Variants in SH3GL2 observed in about 807,000 individuals in gnomAD.
The protein encoded by SH3GL2 is SH3 domain containing GRB2 like 2, endophilin A1, also known as endophilin-A1.
A neutral mutation model predicts 46.0 loss-of-function variants in SH3GL2; 24 were observed. The ratio of observed to expected loss-of-function variants is 0.52; its 90% CI spans 0.38 to 0.73. The LOEUF (loss-of-function observed/expected upper bound fraction) is 0.73, where lower values mean the gene tolerates loss of function less well. Among genes scored for constraint, SH3GL2 ranks in the 30% least tolerant of loss-of-function variants. The pLI is 0.00. For missense variants in SH3GL2, 413 were observed against 424.2 expected (o/e 0.97, Z 0.23); for synonymous variants, 196 against 147.1 (o/e 1.33, Z -2.40).
intron 1 of SH3GL2, among the ~76,000 whole-genome samples, chr9:17,638,113 C>T (rs1056014395): frequency 4.0e-5 from 6 of 151,536 alleles, no homozygotes; most frequent in Admixed American, 3.3e-4. Flanking sequence ...GCCGAGATCG[C>T]GCCACTGCAC....
intron 1 of SH3GL2, among the ~76,000 whole-genome samples, chr9:17,607,380 T>A (rs1035506267): frequency 1.3e-5 from 2 of 152,210 alleles, no homozygotes; most frequent in African/African-American, 4.8e-5. Flanking sequence ...GTATAAACGA[T>A]TAAAAATAGT....
At chr9:17,783,133 T>C (rs1177245086) in intron 3 of SH3GL2, among the ~76,000 whole-genome samples, 1 of 152,124 alleles carries the variant, frequency 6.6e-6, no homozygotes, top group Non-Finnish European at 1.5e-5. Context: ...TTTTGCTGTT[T>C]ATCATTGAAC....
chr9:17,587,349 C>T (rs1269485191), intron 1 of SH3GL2, among the ~76,000 whole-genome samples: 1 of 152,156 alleles, frequency 6.6e-6, no homozygotes, highest in Non-Finnish European at 1.5e-5. Context: ...CCCCTGCCTG[C>T]CAGTAGAGGA....
chr9:17,638,089 G>A (rs1416616486), intron 1 of SH3GL2, among the ~76,000 whole-genome samples: 4 of 151,676 alleles, frequency 2.6e-5, no homozygotes, highest in African/African-American at 7.3e-5. Flanking sequence ...CCCGGGAGGC[G>A]GAGCTTGCAG....
At chr9:17,773,547 C>T (rs1214669460) in intron 3 of SH3GL2, among the ~76,000 whole-genome samples, 1 of 152,024 alleles carries the variant, frequency 6.6e-6, no homozygotes, top group Non-Finnish European at 1.5e-5. Flanking sequence ...TTTCCCAGCA[C>T]CATTGGTTGA....
intron 8 of SH3GL2, among the ~76,000 whole-genome samples, chr9:17,793,815 G>C (rs1824200026): frequency 6.6e-6 from 1 of 152,176 alleles, no homozygotes; most frequent in Non-Finnish European, 1.5e-5. Flanking sequence ...TTCCTTGTCA[G>C]TTTGGTCTGC....
chr9:17,710,939 A>G (rs981508539), intron 1 of SH3GL2, among the ~76,000 whole-genome samples: 9 of 151,994 alleles, frequency 5.9e-5, no homozygotes, highest in African/African-American at 2.2e-4. Flanking sequence ...TAACTAAAGT[A>G]GAACAATTAT....
intron 1 of SH3GL2, among the ~76,000 whole-genome samples, chr9:17,620,208 A>T (rs191730267): frequency 6.6e-6 from 1 of 152,280 alleles, no homozygotes; most frequent in African/African-American, 2.4e-5. Context: ...ATTAAGAGAT[A>T]CTCTGACCTG....
At chr9:17,748,429 G>C (rs1160351442) in intron 2 of SH3GL2, among the ~76,000 whole-genome samples, 2 of 152,092 alleles carry the variant, frequency 1.3e-5, no homozygotes, top group African/African-American at 4.8e-5. Context: ...GATTCTACCA[G>C]AAGTTTTTTA....
At chr9:17,712,259 G>A (rs1295491004) in intron 1 of SH3GL2, among the ~76,000 whole-genome samples, 1 of 151,442 alleles carries the variant, frequency 6.6e-6, no homozygotes, top group Non-Finnish European at 1.5e-5. Flanking sequence ...CACATCTATG[G>A]CTTGACTATT....
chr9:17,726,261 G>C (rs1822016875), intron 1 of SH3GL2, among the ~76,000 whole-genome samples: 1 of 152,086 alleles, frequency 6.6e-6, no homozygotes, highest in African/African-American at 2.4e-5. Context: ...GTGACATTTA[G>C]CTTATCTGAT....
At chr9:17,626,190 G>T (rs905594780) in intron 1 of SH3GL2, among the ~76,000 whole-genome samples, 1 of 152,322 alleles carries the variant, frequency 6.6e-6, no homozygotes, top group East Asian at 1.9e-4. Context: ...TCTGGGACGG[G>T]TCTGACCTCC....
At chr9:17,678,531 G>T (rs1820676785) in intron 1 of SH3GL2, among the ~76,000 whole-genome samples, 2 of 151,958 alleles carry the variant, frequency 1.3e-5, no homozygotes, top group South Asian at 4.2e-4. Context: ...GTGGATATTA[G>T]CCCTTTGTCA....
intron 1 of SH3GL2, among the ~76,000 whole-genome samples, chr9:17,690,742 TA>T (rs1380640090): frequency 6.6e-6 from 1 of 152,098 alleles, no homozygotes; most frequent in Non-Finnish European, 1.5e-5. Context: ...TGCCGGGTAC[TA>T]GGGGCACCTA....
intron 1 of SH3GL2, among the ~76,000 whole-genome samples, chr9:17,722,801 G>T (rs1047402911): frequency 6.6e-6 from 1 of 151,980 alleles, no homozygotes; most frequent in Non-Finnish European, 1.5e-5. Context: ...AGTAATTTAT[G>T]TCCATATCTG....
chr9:17,687,144 G>A (rs1028955925), intron 1 of SH3GL2, among the ~76,000 whole-genome samples: 1 of 152,146 alleles, frequency 6.6e-6, no homozygotes, highest in African/African-American at 2.4e-5. Context: ...CTTTAAATAT[G>A]CTCTCTCACA....
At position 17,638,658 on chromosome 9, in the gene SH3GL2, T is replaced by G. The variant is rs182824482; in HGVS notation, c.45+59371T>G. On this transcript the variant is annotated intron_variant, in intron 1 of 8. Transcript: ENST00000380607. ...CTTGGGGGATGTGCAGAACAAGGAC[T>G]TCTTGCCTTGTGGGCTAAGGCCATA... 7.2e-5 allele frequency among the ~76,000 whole-genome samples: 11 copies of G among 152,330 alleles called. No individual in the cohort carries two copies. The East Asian group carries it at 2.1e-3, about 29-fold the overall frequency.
chr9:17,639,945 G>A (rs918176617), intron 1 of SH3GL2, among the ~76,000 whole-genome samples: 4 of 152,108 alleles, frequency 2.6e-5, no homozygotes, highest in African/African-American at 9.7e-5. Flanking sequence ...GTGATATAAA[G>A]CAGATTAGTG....
intron 1 of SH3GL2, among the ~76,000 whole-genome samples, chr9:17,631,210 A>G (rs1998246): frequency 0.3 from 45,787 of 152,156 alleles, 7,848 homozygotes; most frequent in South Asian, 0.55. Flanking sequence ...TCAACGGAGC[A>G]GTTTCCAAGG....
Sources: gnomAD v4.1 joint callset for allele counts (sites outside exome capture counted in the v4.1 genomes callset) on GRCh38, gnomAD v4.1.1 for gene constraint, MANE v1.5 for transcripts, NCBI Gene and HGNC (gene_info 2026-07-23, HGNC 2026-07-21) for gene names.